The following APPL2 variants were observed in gnomAD, a reference collection of about 807,000 sequenced individuals.
APPL2 encodes adaptor protein, phosphotyrosine interacting with PH domain and leucine zipper 2, also known as DCC-interacting protein 13-beta.
In APPL2, 84 loss-of-function variants were observed where a neutral mutation model predicts 92.7. The ratio of observed to expected loss-of-function variants is 0.91; its 90% CI spans 0.76 to 1.09. APPL2 has a LOEUF of 1.09. Among genes scored for constraint, APPL2 ranks in the 50% least tolerant of loss-of-function variants. The pLI, the probability that APPL2 is intolerant of heterozygous loss-of-function variation, is 0.00. For synonymous variants in APPL2, 291 were observed against 291.0 expected, an observed-to-expected ratio of 1.00 and a Z score of 0.00; for missense variants, 736 against 824.5, an observed-to-expected ratio of 0.89 and a Z score of 1.31.
intron 10 of APPL2, among the ~76,000 whole-genome samples, chr12:105,199,139 C>G (rs1349465204): frequency 6.6e-6 from 1 of 152,144 alleles, no homozygotes; most frequent in Non-Finnish European, 1.5e-5. Context: ...TGACCAGAGT[C>G]CACAGCACCA....
At chr12:105,203,390 TAC>T (rs1358332619) in intron 9 of APPL2, 23 of 317,996 alleles carry the variant, frequency 7.2e-5, no homozygotes, top group Non-Finnish European at 1.3e-4. Flanking sequence ...TTCCATCTGC[TAC>T]TGCCACGTAC....
chr12:105,224,571 T>G (rs1007767459), intron 2 of APPL2, among the ~76,000 whole-genome samples: 10 of 152,228 alleles, frequency 6.6e-5, no homozygotes, highest in Non-Finnish European at 1.2e-4. Flanking sequence ...TGTGTGACCT[T>G]AGGCAAGCTA....
intron 17 of APPL2, among the ~76,000 whole-genome samples, chr12:105,184,152 G>A (rs1886380331): frequency 6.6e-6 from 1 of 152,180 alleles, no homozygotes; most frequent in South Asian, 2.1e-4. Context: ...CCAGTTAGCA[G>A]TTCCTATAAC....
intron 1 of APPL2, among the ~76,000 whole-genome samples, chr12:105,234,224 G>A (rs1166917234): frequency 6.6e-6 from 1 of 152,200 alleles, no homozygotes; most frequent in Admixed American, 6.5e-5. Flanking sequence ...CAAGTTCAAA[G>A]TTATACACCA....
chr12:105,187,402 G>T (rs920760594), intron 17 of APPL2, among the ~76,000 whole-genome samples: 5 of 152,294 alleles, frequency 3.3e-5, no homozygotes, highest in African/African-American at 1.2e-4. Flanking sequence ...CATGACAACA[G>T]TGGAGGGTGT....
At chr12:105,194,413 A>G (rs1887465113) in intron 14 of APPL2, among the ~76,000 whole-genome samples, 1 of 152,222 alleles carries the variant, frequency 6.6e-6, no homozygotes, top group African/African-American at 2.4e-5. Flanking sequence ...AGAATGGGCC[A>G]GGCGCAGTGG....
intron 14 of APPL2, among the ~76,000 whole-genome samples, chr12:105,191,164 A>T (rs1460162004): frequency 6.6e-6 from 1 of 152,218 alleles, no homozygotes; most frequent in Non-Finnish European, 1.5e-5. Context: ...ATGTGGATGA[A>T]ACAGTACATA....
At chr12:105,199,220 G>T in intron 10 of APPL2, 153 bp downstream of exon 10, 1 of 881,496 alleles carries the variant, frequency 1.1e-6, no homozygotes, top group Non-Finnish European at 1.7e-6. Flanking sequence ...GAGGTTTCCT[G>T]TGTTGCAAGT....
In APPL2 at chr12:105,197,763, AC is replaced by A; in HGVS notation, c.1052+1del. The A allele has an allele frequency of 6.2e-7, 1 of 1,614,158 alleles. No homozygotes were observed. The highest frequency in any genetic ancestry group is 8.5e-7 in the Non-Finnish European group (1 of 1,180,024). On this transcript the variant is annotated splice_donor_variant, in intron 11 of 20. Coordinates refer to ENST00000258530, the MANE Select transcript of APPL2 (RefSeq NM_018171.5). LOFTEE classifies it high-confidence loss of function. Reference sequence around the variant, plus strand: ...CTCCCAAATAAAACGCGTGAAACATACGATTTTCCATTGGGCGTGGTGATCT... The same window carrying A: ...CTCCCAAATAAAACGCGTGAAACATAGATTTTCCATTGGGCGTGGTGATCT...
At chr12:105,199,562 C>T in intron 9 of APPL2, 31 bp from the exon 10 acceptor site, 1 of 1,602,346 alleles carries the variant, frequency 6.2e-7, no homozygotes, top group Non-Finnish European at 8.5e-7. Flanking sequence ...GTCAGTTACT[C>T]ACTGCTGGCC....
At chr12:105,228,632 T>C (rs1890698615) in intron 2 of APPL2, among the ~76,000 whole-genome samples, 1 of 151,742 alleles carries the variant, frequency 6.6e-6, no homozygotes, top group Non-Finnish European at 1.5e-5. Flanking sequence ...GCAATTTCTT[T>C]TGCATGCTTT....
At chr12:105,189,448 T>C (rs1887007364) in intron 16 of APPL2, among the ~76,000 whole-genome samples, 1 of 152,194 alleles carries the variant, frequency 6.6e-6, no homozygotes, top group Non-Finnish European at 1.5e-5. Flanking sequence ...GTGCTTTTGG[T>C]TTTCTAAAAT....
chr12:105,206,063 G>A (rs1380671871), intron 8 of APPL2, among the ~76,000 whole-genome samples: 1 of 152,132 alleles, frequency 6.6e-6, no homozygotes, highest in Non-Finnish European at 1.5e-5. Context: ...GATATCTTCC[G>A]AACCCATTTC....
At position 105,235,973 on chromosome 12, in the gene APPL2, G is replaced by T; in HGVS notation, c.40C>A (p.Gln14Lys). 8.0e-7 allele frequency: 1 copy of T among 1,253,338 alleles called. No homozygotes were observed. Among genetic ancestry groups the T allele is most frequent in the South Asian group, 3.6e-5 (1 of 28,004 alleles). The allele number at this position is 1,253,338 out of a possible 1,614,324, so 77.6% of individuals were successfully genotyped here. ...GCGGGAGGTACCTGGGGGCTGTCCT[G>T]CAACGCCTCCTCTAGCAGGAGCTTG... is the stretch of plus-strand genomic sequence containing the variant. ...VDKLLLEEAL[Q>K]DSPQTRSLLS... is the part of the protein sequence containing the mutation. Residue 14 changes from glutamine to lysine, a missense_variant, in exon 1 of 21, where the codon CAG becomes AAG. Transcript: ENST00000258530.
chr12:105,205,764 T>C (rs997086671), intron 8 of APPL2, among the ~76,000 whole-genome samples: 3 of 152,194 alleles, frequency 2.0e-5, no homozygotes, highest in African/African-American at 4.8e-5. Flanking sequence ...TTCTCTAATA[T>C]GGCAAGGCCA....
At chr12:105,211,208 G>C (rs1158311936) in intron 5 of APPL2, 22 bp downstream of exon 5, 2 of 1,472,566 alleles carry the variant, frequency 1.4e-6, no homozygotes, top group Non-Finnish European at 1.9e-6. Context: ...AAGGTAACTG[G>C]CATTGAACTC....
chr12:105,185,224 C>G (rs533099784), intron 17 of APPL2, among the ~76,000 whole-genome samples: 1 of 152,292 alleles, frequency 6.6e-6, no homozygotes, highest in Admixed American at 6.5e-5. Flanking sequence ...TGAGCAAGAC[C>G]ACTTGGCTCC....
intron 17 of APPL2, among the ~76,000 whole-genome samples, chr12:105,178,229 T>C (rs1011292792): frequency 6.6e-6 from 1 of 152,266 alleles, no homozygotes; most frequent in Non-Finnish European, 1.5e-5. Flanking sequence ...TGTACTCGTG[T>C]TGGAATAATT....
intron 17 of APPL2, among the ~76,000 whole-genome samples, chr12:105,185,611 GT>G (rs1257664146): frequency 1.4e-4 from 21 of 151,940 alleles, no homozygotes; most frequent in Non-Finnish European, 2.9e-4. Flanking sequence ...GATAAGCTGG[GT>G]ACCGCAGTTG....
Sources: gnomAD v4.1 joint callset for allele counts (sites outside exome capture counted in the v4.1 genomes callset) on GRCh38, gnomAD v4.1.1 for gene constraint, MANE v1.5 for transcripts, NCBI Gene and HGNC (gene_info 2026-07-23, HGNC 2026-07-21) for gene names.